ZEB2: variants seen among roughly 807,000 people sequenced by gnomAD.
ZEB2 encodes zinc finger E-box binding homeobox 2.
ZEB2 carries 6 observed loss-of-function variants against 99.9 expected under a neutral mutation model. The observed-to-expected ratio is 0.06, with a 90% CI of 0.03 to 0.12. The LOEUF (loss-of-function observed/expected upper bound fraction) is 0.12. Among genes scored for constraint, ZEB2 ranks in the 10% least tolerant of loss-of-function variants. ZEB2 has a pLI of 1.00. For synonymous variants in ZEB2, 517 were observed against 542.5 expected (o/e 0.95, Z 0.65); for missense variants, 969 against 1,502.8 (o/e 0.64, Z 5.87).
chr2:144,421,443 T>C (rs920483807), intron 4 of ZEB2, among the ~76,000 whole-genome samples: 2 of 152,132 alleles, frequency 1.3e-5, no homozygotes, highest in African/African-American at 4.8e-5. Flanking sequence ...AGTGGTAAAC[T>C]TGTAGCTAGG....
At chr2:144,454,416 C>G (rs1345251241) in intron 2 of ZEB2, among the ~76,000 whole-genome samples, 1 of 152,134 alleles carries the variant, frequency 6.6e-6, no homozygotes, top group Admixed American at 6.6e-5. Flanking sequence ...CAAAAGCGAA[C>G]AAGAAGCACA....
chr2:144,468,605 T>A (rs1180700666), intron 2 of ZEB2, among the ~76,000 whole-genome samples: 1 of 151,870 alleles, frequency 6.6e-6, no homozygotes, highest in Non-Finnish European at 1.5e-5. Flanking sequence ...ATTCCAACGA[T>A]GGAGTTAGCA....
chr2:144,397,611 T>C (rs1040516622), intron 8 of ZEB2, among the ~76,000 whole-genome samples: 1 of 152,208 alleles, frequency 6.6e-6, no homozygotes, highest in African/African-American at 2.4e-5. Flanking sequence ...AAAATGTGTA[T>C]ATACATTATT....
At chr2:144,395,514 C>G (rs1011404687) in intron 9 of ZEB2, among the ~76,000 whole-genome samples, 3 of 151,940 alleles carry the variant, frequency 2.0e-5, no homozygotes, top group African/African-American at 7.2e-5. Context: ...CTTTTTCCCC[C>G]CCGATCCAGG....
chr2:144,471,263 TAA>T (rs1704351187), intron 2 of ZEB2, among the ~76,000 whole-genome samples: 1 of 152,108 alleles, frequency 6.6e-6, no homozygotes, highest in African/African-American at 2.4e-5. Flanking sequence ...TGACAATAAG[TAA>T]AAGAAGTGCT....
chr2:144,493,600 A>T (rs1704713190), intron 2 of ZEB2, among the ~76,000 whole-genome samples: 1 of 152,082 alleles, frequency 6.6e-6, no homozygotes, highest in Non-Finnish European at 1.5e-5. Context: ...AGATCTAGAG[A>T]TGTTATTGGA....
chr2:144,396,682 A>G, intron 8 of ZEB2, 90 bp from the exon 9 acceptor site: 1 of 1,423,192 alleles, frequency 7.0e-7, no homozygotes, highest in Middle Eastern at 1.8e-4. Flanking sequence ...GAGAACCTCA[A>G]AATTGCTTGC....
chr2:144,466,617 G>A (rs1704276016), intron 2 of ZEB2, among the ~76,000 whole-genome samples: 1 of 152,190 alleles, frequency 6.6e-6, no homozygotes, highest in Admixed American at 6.5e-5. Context: ...ACTGCAGCCT[G>A]ATAATCAAGT....
chr2:144,406,992 G>A (rs1473507706), intron 4 of ZEB2, among the ~76,000 whole-genome samples: 5 of 152,292 alleles, frequency 3.3e-5, no homozygotes, highest in Admixed American at 2.0e-4. Context: ...GTCAAGTTGG[G>A]AGATGCTAAG....
intron 3 of ZEB2, chr2:144,427,383 G>C (rs1332711048): frequency 6.6e-6 from 1 of 152,218 alleles, no homozygotes; most frequent in African/African-American, 2.4e-5. Flanking sequence ...GCATCCTGCA[G>C]ACAAACTCCA....
chr2:144,517,396 G>T lies in ZEB2; in HGVS notation c.-46C>A. The T allele has an allele frequency of 6.2e-7, 1 of 1,607,124 alleles. No individual in the cohort carries two copies. The highest frequency in any genetic ancestry group is 8.5e-7 in the Non-Finnish European group (1 of 1,174,212). ...GCAGTTCGCATGGACTCGGCGCCCT[G>T]CTTCGGCAGCACGCAGGCTCGATCT... On this transcript the variant is annotated 5_prime_UTR_variant, in exon 2 of 10. Transcript: ENST00000627532.
intron 2 of ZEB2, among the ~76,000 whole-genome samples, chr2:144,478,974 A>G (rs575919334): frequency 6.6e-6 from 1 of 152,346 alleles, no homozygotes; most frequent in African/African-American, 2.4e-5. Context: ...ACGTATAAAA[A>G]TGTTTATCAT....
intron 4 of ZEB2, among the ~76,000 whole-genome samples, chr2:144,412,925 G>A (rs953233777): frequency 6.6e-6 from 1 of 152,094 alleles, no homozygotes; most frequent in African/African-American, 2.4e-5. Flanking sequence ...ATAGTGCCTG[G>A]GTCACAGTTA....
chr2:144,396,007 T>G (rs897923475), intron 9 of ZEB2, among the ~76,000 whole-genome samples: 8 of 152,198 alleles, frequency 5.3e-5, no homozygotes, highest in Non-Finnish European at 8.8e-5. Context: ...CTTGGTGTTT[T>G]GGATGATGAA....
At chr2:144,499,926 T>C (rs560623469) in intron 2 of ZEB2, among the ~76,000 whole-genome samples, 12 of 152,336 alleles carry the variant, frequency 7.9e-5, no homozygotes, top group Admixed American at 3.9e-4. Flanking sequence ...TGATGGATTG[T>C]GCCATCTATG....
intron 4 of ZEB2, among the ~76,000 whole-genome samples, chr2:144,421,656 CTT>C (rs34583976): frequency 1.5e-5 from 2 of 137,310 alleles, no homozygotes. Flanking sequence ...GTGTCATAAT[CTT>C]TTTTTTTTTT....
At chr2:144,404,213 T>C in intron 5 of ZEB2, 83 bp from the exon 6 acceptor site, 1 of 1,467,018 alleles carries the variant, frequency 6.8e-7, no homozygotes, top group Non-Finnish European at 9.4e-7. Context: ...CTGCCCGGGA[T>C]GGTATGACAG....
At position 144,384,577 on chromosome 2, in the gene ZEB2, T is replaced by C. The variant is rs1703056178; in HGVS notation, c.*4874A>G. The C allele has an allele frequency of 6.6e-6, 1 of 151,680 alleles. No homozygotes were observed. Among genetic ancestry groups the C allele is most frequent in the Non-Finnish European group, 1.5e-5 (1 of 67,930 alleles). 9.4% of individuals were successfully genotyped at this position (151,680 alleles called of 1,614,324 possible). A position where few individuals can be genotyped will look rare whatever the true frequency, so the allele number is the denominator to read the frequency against. On this transcript the variant is annotated 3_prime_UTR_variant, in exon 10 of 10. Coordinates refer to ENST00000627532, the MANE Select transcript of ZEB2 (RefSeq NM_014795.4). Reference sequence around the variant, plus strand: ...CCTTTATACTTCTTTAAATTTAGTATTGACATTTTTATTTTGGGAAAGGAG... The same window carrying C: ...CCTTTATACTTCTTTAAATTTAGTACTGACATTTTTATTTTGGGAAAGGAG...
At chr2:144,463,333 G>T (rs1363406394) in intron 2 of ZEB2, 1 of 151,820 alleles carries the variant, frequency 6.6e-6, no homozygotes, top group East Asian at 1.9e-4. Flanking sequence ...GATCTAATTG[G>T]GAATATAACA....
Sources: allele counts gnomAD v4.1 joint callset (sites outside exome capture counted in the v4.1 genomes callset), GRCh38; gene constraint gnomAD v4.1.1; transcripts MANE v1.5; gene names NCBI Gene and HGNC (gene_info 2026-07-23, HGNC 2026-07-21).